Variants in NEGR1 observed in about 807,000 individuals in gnomAD.
NEGR1 encodes IgLON family member 4.
In NEGR1, 10 loss-of-function variants were observed where a neutral mutation model predicts 40.9. The observed-to-expected ratio is 0.24, with a 90% CI of 0.15 to 0.42. The LOEUF (loss-of-function observed/expected upper bound fraction) is 0.42. Among genes scored for constraint, NEGR1 ranks in the 10% least tolerant of loss-of-function variants. The probability of loss-of-function intolerance (pLI) is 1.00; values close to 1 mark genes in which losing one functional copy is unlikely to be tolerated. For missense variants in NEGR1, 352 were observed against 438.9 expected (o/e 0.80, Z 1.77); for synonymous variants, 185 against 166.8 (o/e 1.11, Z -0.84).
chr1:72,224,684 C>CT (rs202096470), intron 1 of NEGR1, among the ~76,000 whole-genome samples: 118 of 148,998 alleles, frequency 7.9e-4, no homozygotes, highest in African/African-American at 2.4e-3. Context: ...TTTTCTTTAA[C>CT]TTTTTTTTTT....
chr1:72,155,770 A>G (rs901680664), intron 1 of NEGR1, among the ~76,000 whole-genome samples: 4 of 152,106 alleles, frequency 2.6e-5, no homozygotes, highest in Non-Finnish European at 4.4e-5. Flanking sequence ...TACCTGCAAA[A>G]TGGGGATGAC....
chr1:72,193,856 ATTTTAATTTTGTAGG>A, intron 1 of NEGR1, among the ~76,000 whole-genome samples: 1 of 151,606 alleles, frequency 6.6e-6, no homozygotes. Context: ...CCCATACACC[ATTTTAATTTTGTAGG>A]ACTTAGCCCT....
At chr1:71,989,509 G>C in intron 1 of NEGR1, among the ~76,000 whole-genome samples, 1 of 151,802 alleles carries the variant, frequency 6.6e-6, no homozygotes, top group East Asian at 1.9e-4. Flanking sequence ...AATGAGTAAT[G>C]GCATTTTATG....
chr1:72,249,660 T>C (rs1452502926), intron 1 of NEGR1, among the ~76,000 whole-genome samples: 2 of 152,096 alleles, frequency 1.3e-5, no homozygotes, highest in African/African-American at 4.8e-5. Flanking sequence ...AAAAGGGAGA[T>C]GAATGTGAGA....
At chr1:71,831,359 T>G (rs1032278812) in intron 2 of NEGR1, among the ~76,000 whole-genome samples, 1 of 151,914 alleles carries the variant, frequency 6.6e-6, no homozygotes, top group African/African-American at 2.4e-5. Flanking sequence ...ATTGTTTGAG[T>G]GGATAAAAGC....
At chr1:71,678,624 A>T (rs1310219783) in intron 4 of NEGR1, among the ~76,000 whole-genome samples, 3 of 152,044 alleles carry the variant, frequency 2.0e-5, no homozygotes, top group Non-Finnish European at 4.4e-5. Context: ...ATGAGTGGAC[A>T]TTTCCTTCCA....
intron 3 of NEGR1, among the ~76,000 whole-genome samples, chr1:71,725,639 T>A (rs1193540200): frequency 1.3e-5 from 2 of 152,132 alleles, no homozygotes; most frequent in Non-Finnish European, 2.9e-5. Flanking sequence ...AGTATTTTGA[T>A]AACTTATTTC....
chr1:72,221,215 T>A (rs977401833), intron 1 of NEGR1, among the ~76,000 whole-genome samples: 1 of 152,086 alleles, frequency 6.6e-6, no homozygotes, highest in African/African-American at 2.4e-5. Flanking sequence ...TATTCCTATG[T>A]CCAAATTTCT....
At chr1:72,004,053 A>G (rs1351878262) in intron 1 of NEGR1, among the ~76,000 whole-genome samples, 1 of 152,044 alleles carries the variant, frequency 6.6e-6, no homozygotes, top group African/African-American at 2.4e-5. Flanking sequence ...AGTTGAGGAG[A>G]AAAGAAGTGT....
chr1:71,455,522 C>G (rs986925771), intron 6 of NEGR1, among the ~76,000 whole-genome samples: 4 of 152,142 alleles, frequency 2.6e-5, no homozygotes, highest in African/African-American at 9.7e-5. Context: ...GTCAGGAGAT[C>G]GAGACCATCC....
At chr1:71,431,993 A>G (rs1433483291) in intron 6 of NEGR1, among the ~76,000 whole-genome samples, 1 of 152,216 alleles carries the variant, frequency 6.6e-6, no homozygotes, top group African/African-American at 2.4e-5. Context: ...AAAAGCAACA[A>G]TGAAACCAGA....
chr1:71,873,985 G>C (rs1660353912), intron 2 of NEGR1, among the ~76,000 whole-genome samples: 1 of 152,148 alleles, frequency 6.6e-6, no homozygotes. Flanking sequence ...AGGATGCTCT[G>C]ATTTTGTTAA....
At chr1:71,650,185 G>T (rs1202470931) in intron 4 of NEGR1, among the ~76,000 whole-genome samples, 1 of 152,096 alleles carries the variant, frequency 6.6e-6, no homozygotes, top group African/African-American at 2.4e-5. Flanking sequence ...CTTAGAGGTG[G>T]AAAAATTCGA....
intron 1 of NEGR1, among the ~76,000 whole-genome samples, chr1:72,040,577 C>CAAAAAAAAAAAAAAAA (rs5775102): frequency 2.4e-4 from 7 of 29,704 alleles, no homozygotes; most frequent in African/African-American, 2.5e-4. Context: ...GAGCACTGAC[C>CAAAAAAAAAAAAAAAA]AAAAAAAAAA....
chr1:72,012,936 G>T (rs2100404964), intron 1 of NEGR1, among the ~76,000 whole-genome samples: 1 of 147,164 alleles, frequency 6.8e-6, no homozygotes, highest in East Asian at 2.0e-4. Flanking sequence ...TTTCCCTTTA[G>T]CTTCTGAAGG....
intron 2 of NEGR1, among the ~76,000 whole-genome samples, chr1:71,823,587 T>C (rs1259674092): frequency 6.6e-6 from 1 of 152,066 alleles, no homozygotes; most frequent in East Asian, 1.9e-4. Flanking sequence ...CTCAGCACAC[T>C]TTTTTCTTAC....
chr1:71,616,272 C>T (rs1050129495), intron 4 of NEGR1, among the ~76,000 whole-genome samples: 14 of 152,160 alleles, frequency 9.2e-5, no homozygotes, highest in African/African-American at 2.9e-4. Context: ...CTCCCCATCG[C>T]TGGCATTACT....
chr1:71,491,152 T>A (rs948791103), intron 6 of NEGR1, among the ~76,000 whole-genome samples: 2 of 152,100 alleles, frequency 1.3e-5, no homozygotes, highest in African/African-American at 4.8e-5. Flanking sequence ...TGTAGACATT[T>A]TTATTGTCAT....
chr1:71,972,352 T>C (rs1646263767), intron 1 of NEGR1, among the ~76,000 whole-genome samples: 1 of 152,096 alleles, frequency 6.6e-6, no homozygotes, highest in Non-Finnish European at 1.5e-5. Context: ...TTTAATATTG[T>C]GGGATGGGGG....
Sources: gnomAD v4.1 joint callset for allele counts (sites outside exome capture counted in the v4.1 genomes callset) on GRCh38, gnomAD v4.1.1 for gene constraint, MANE v1.5 for transcripts, NCBI Gene and HGNC (gene_info 2026-07-23, HGNC 2026-07-21) for gene names.